The following NOTCH2NLR variants were observed in gnomAD, a reference collection of about 807,000 sequenced individuals.
The protein encoded by NOTCH2NLR is notch 2 N-terminal like R.
In NOTCH2NLR, 33 loss-of-function variants were observed where a neutral mutation model predicts 35.6. The observed-to-expected ratio is 0.93, with a 90% CI of 0.70 to 1.24. NOTCH2NLR has a LOEUF of 1.24. Ranked by LOEUF, NOTCH2NLR falls within the 50% of genes most tolerant of loss-of-function variation. NOTCH2NLR has a pLI of 0.00. For missense variants in NOTCH2NLR, 276 were observed against 362.2 expected, an observed-to-expected ratio of 0.76 and a Z score of 1.93; for synonymous variants, 103 against 141.0, an observed-to-expected ratio of 0.73 and a Z score of 1.91.
chr1:120,770,307 C>A (rs1421794013), intron 2 of NOTCH2NLR, among the ~76,000 whole-genome samples: 1 of 107,876 alleles, frequency 9.3e-6, no homozygotes, highest in Admixed American at 9.0e-5. Context: ...GTAGCCGGGA[C>A]TATAAGCGCC....
intron 2 of NOTCH2NLR, among the ~76,000 whole-genome samples, chr1:120,765,851 G>A (rs1651185353): frequency 8.1e-6 from 1 of 122,758 alleles, no homozygotes; most frequent in Non-Finnish European, 1.7e-5. Flanking sequence ...GAAGCTGGAA[G>A]CCATCATTCT....
chr1:120,791,397 C>T lies in NOTCH2NLR; in HGVS notation c.416-1764C>T, dbSNP rs1236831649. ...CAATAGCAAAGAGTTGGAACCAGCC[C>T]AAATGTCCATCAATGATAGACTGGA... is the stretch of plus-strand genomic sequence containing the variant. On this transcript the variant is annotated intron_variant, in intron 3 of 4. Transcript: ENST00000624419. 1.8e-5 allele frequency among the ~76,000 whole-genome samples: 2 copies of T among 108,272 alleles called. 1 individual carries two copies. Among genetic ancestry groups the T allele is most frequent in the Non-Finnish European group, 3.4e-5 (2 of 58,316 alleles). 71.0% of individuals were successfully genotyped at this position (108,272 alleles called of 152,430 possible).
At chr1:120,793,619 G>A in intron 4 of NOTCH2NLR, 123 bp downstream of exon 4, 1 of 722,196 alleles carries the variant, frequency 1.4e-6, no homozygotes, top group East Asian at 2.8e-5. Flanking sequence ...TTTTGTGTGG[G>A]GTGGGTTGCT....
rs1402631274 is a variant in NOTCH2NLR at position 120,781,794 on chromosome 1, G to A, written c.156-3180G>A. Among the ~76,000 whole-genome samples, 19 of 116,906 alleles carry A rather than the reference G, an allele frequency of 1.6e-4. 1 individual carries two copies. The East Asian group carries it at 3.9e-3, about 24-fold the overall frequency. 76.7% of individuals were successfully genotyped at this position (116,906 alleles called of 152,430 possible). ...AGGATGGTCTCGATCTCCTGACCTG[G>A]TGATCTGCCTGCCTCGGCCTCCCAA... On this transcript the variant is annotated intron_variant, in intron 2 of 4. Transcript: ENST00000624419.
intron 2 of NOTCH2NLR, among the ~76,000 whole-genome samples, chr1:120,776,167 G>A (rs1651305218): frequency 8.6e-6 from 1 of 116,690 alleles, no homozygotes; most frequent in South Asian, 2.5e-4. Flanking sequence ...CTGGGAGTAT[G>A]AGAATTAATA....
At chr1:120,724,081 A>C in exon 1 of NOTCH2NLR, 3 of 1,302,708 alleles carry the variant, frequency 2.3e-6, no homozygotes, top group Non-Finnish European at 2.9e-6. Context: ...AGGGGAGGAG[A>C]GAGTGGGGCT....
chr1:120,794,150 T>A (rs1361872505), downstream of NOTCH2NLR, among the ~76,000 whole-genome samples: 1 of 114,656 alleles, frequency 8.7e-6, no homozygotes, highest in East Asian at 2.1e-4. Flanking sequence ...AGAGACTATG[T>A]GTGGCACAAT....
rs1158969961 is a variant in NOTCH2NLR, at chr1:120,792,558, G to A, written c.416-603G>A. 6.3e-5 allele frequency among the ~76,000 whole-genome samples: 7 copies of A among 111,166 alleles called. 1 individual carries two copies. Among genetic ancestry groups the A allele is most frequent in the Non-Finnish European group, 1.7e-5 (1 of 57,730 alleles). The allele number at this position is 111,166 out of a possible 152,430, so 72.9% of individuals were successfully genotyped here. On this transcript the variant is annotated intron_variant, in intron 3 of 4. Coordinates refer to ENST00000624419, the Ensembl canonical transcript of NOTCH2NLR. ...GCTGTGTCGCCCAGGCTGGAGTGCA[G>A]TGGTACAATCTCGGCTCACTGCAAC...
At chr1:120,752,570 T>A (rs1651035217) in intron 1 of NOTCH2NLR, among the ~76,000 whole-genome samples, 3 of 33,604 alleles carry the variant, frequency 8.9e-5, no homozygotes, top group Non-Finnish European at 9.5e-5. Context: ...TTTTTTTTTT[T>A]TTTTCTTTTT....
intron 2 of NOTCH2NLR, among the ~76,000 whole-genome samples, chr1:120,779,659 G>A (rs1387794762): frequency 3.3e-5 from 4 of 122,356 alleles, no homozygotes; most frequent in Admixed American, 7.9e-5. Context: ...TCCAAAATGT[G>A]TGCTGGGTAG....
rs1335344217 is a variant in NOTCH2NLR at position 120,726,903 on chromosome 1, A to G, written c.73+2653A>G. ...TGCCTCTCCTGTAGGCTTCTATGACATAGAGGAGCAACTTTTGGTTCACCT... is the reference window on the plus strand; with the variant it reads ...TGCCTCTCCTGTAGGCTTCTATGACGTAGAGGAGCAACTTTTGGTTCACCT... On this transcript the variant is annotated intron_variant, in intron 1 of 4. Coordinates refer to ENST00000624419, the Ensembl canonical transcript of NOTCH2NLR. Among the ~76,000 whole-genome samples, 5 of 114,736 alleles carry G rather than the reference A, an allele frequency of 4.4e-5. 2 individuals are homozygous for G. The highest frequency in any genetic ancestry group is 1.0e-4 in the African/African-American group (2 of 19,242). 75.3% of individuals were successfully genotyped at this position (114,736 alleles called of 152,430 possible).
At chr1:120,737,685 G>T (rs1450260810) in intron 1 of NOTCH2NLR, among the ~76,000 whole-genome samples, 1 of 118,266 alleles carries the variant, frequency 8.5e-6, no homozygotes, top group East Asian at 2.0e-4. Flanking sequence ...TGTCCCTTTG[G>T]ACTTCTTTGT....
intron 1 of NOTCH2NLR, among the ~76,000 whole-genome samples, chr1:120,728,172 G>A (rs1650836122): frequency 9.1e-6 from 1 of 109,942 alleles, no homozygotes; most frequent in Non-Finnish European, 1.7e-5. Flanking sequence ...CGTACATGAG[G>A]AAGGAATCGT....
In NOTCH2NLR at chr1:120,785,375, C is replaced by G; in HGVS notation, c.415+142C>G. ...CATTATGATAAGGAACTGGGATGTT[C>G]CAGACAACTATCCCTAACTTCCTTT... On this transcript the variant is annotated intron_variant, in intron 3 of 4. Transcript: ENST00000624419. 3 of 568,722 alleles carry G rather than the reference C, an allele frequency of 5.3e-6. 1 individual carries two copies. The highest frequency in any genetic ancestry group is 5.9e-6 in the Non-Finnish European group (2 of 340,522). 35.2% of individuals were successfully genotyped at this position (568,722 alleles called of 1,614,324 possible).
At chr1:120,781,895 C>T (rs1401500196) in intron 2 of NOTCH2NLR, among the ~76,000 whole-genome samples, 1 of 113,068 alleles carries the variant, frequency 8.8e-6, no homozygotes, top group African/African-American at 5.3e-5. Flanking sequence ...CTTCGAGTTC[C>T]TCATATATAA....
intron 3 of NOTCH2NLR, 116 bp downstream of exon 3, chr1:120,785,349 A>C: frequency 1.5e-6 from 1 of 674,866 alleles, no homozygotes; most frequent in East Asian, 2.7e-5. Flanking sequence ...TGCACATTTA[A>C]CATTATGATA....
chr1:120,724,962 GCTGTTTCAGGCT>G (rs1650802059), intron 1 of NOTCH2NLR, among the ~76,000 whole-genome samples: 1 of 63,214 alleles, frequency 1.6e-5, no homozygotes, highest in East Asian at 3.3e-4. Flanking sequence ...GAGCTCTGCT[GCTGTTTCAGGCT>G]GTGTCCAGAC....
chr1:120,754,202 C>CAA (rs1176118362), intron 1 of NOTCH2NLR, among the ~76,000 whole-genome samples: 1 of 14,520 alleles, frequency 6.9e-5, no homozygotes, highest in Non-Finnish European at 1.2e-4. Flanking sequence ...GACTCCATCT[C>CAA]AAAAAAAAAA....
intron 3 of NOTCH2NLR, 53 bp from the exon 4 acceptor site, chr1:120,793,108 G>A (rs2101471704): frequency 1.3e-6 from 1 of 771,426 alleles, no homozygotes; most frequent in East Asian, 2.5e-5. Flanking sequence ...ATTGAGGATG[G>A]GGCCATCTCC....
Sources: allele counts gnomAD v4.1 joint callset (sites outside exome capture counted in the v4.1 genomes callset), GRCh38; gene constraint gnomAD v4.1.1; transcripts MANE v1.5; gene names NCBI Gene and HGNC (gene_info 2026-07-23, HGNC 2026-07-21).